The following PDE4D variants were observed in gnomAD, a reference collection of about 807,000 sequenced individuals.
The protein encoded by PDE4D is phosphodiesterase 4D.
PDE4D carries 24 observed loss-of-function variants against 87.4 expected under a neutral mutation model. The observed-to-expected ratio is 0.27, with a 90% confidence interval of 0.20 to 0.39. The LOEUF (loss-of-function observed/expected upper bound fraction) is 0.39. PDE4D is among the 10% of genes least tolerant of loss of function. The pLI is 1.00. For missense variants in PDE4D, 714 were observed against 1,041.0 expected, an observed-to-expected ratio of 0.69 and a Z score of 4.32; for synonymous variants, 384 against 383.2, an observed-to-expected ratio of 1.00 and a Z score of -0.02.
At chr5:59,361,157 T>C (rs1244464473) in intron 1 of PDE4D, among the ~76,000 whole-genome samples, 1 of 152,114 alleles carries the variant, frequency 6.6e-6, no homozygotes, top group Admixed American at 6.5e-5. Flanking sequence ...GGATAAAGCC[T>C]ACTTGGATAA....
At chr5:59,539,387 C>A (rs879944551) in intron 1 of PDE4D, among the ~76,000 whole-genome samples, 26 of 152,162 alleles carry the variant, frequency 1.7e-4, no homozygotes, top group South Asian at 6.2e-4. Flanking sequence ...CCCTACCCCC[C>A]AAAAAATTCT....
At chr5:58,997,357 T>C (rs2153349022) in intron 6 of PDE4D, among the ~76,000 whole-genome samples, 1 of 152,228 alleles carries the variant, frequency 6.6e-6, no homozygotes, top group East Asian at 1.9e-4. Flanking sequence ...TTTAAAAATG[T>C]GATACTTCTC....
rs374709949 is a variant in PDE4D, at chr5:59,571,411, G to C, written c.455+321757C>G. Among the ~76,000 whole-genome samples the C allele has an allele frequency of 5.5e-4, 83 of 152,292 alleles. No homozygotes were observed. In the South Asian group the frequency reaches 0.017, roughly 31 times the overall value. On this transcript the variant is annotated intron_variant, in intron 1 of 14. Coordinates refer to ENST00000340635, the MANE Select transcript of PDE4D (RefSeq NM_001104631.2). ...AGAAGCCAAGGATACAGAAGGGGTG[G>C]AGAAAGCACGCAACCCAAATTACCC...
chr5:60,092,381 T>C (rs1439821458), intron 2 of PDE4D, among the ~76,000 whole-genome samples: 2 of 152,068 alleles, frequency 1.3e-5, no homozygotes, highest in Non-Finnish European at 2.9e-5. Flanking sequence ...TTTGATAGTA[T>C]CATAAGGTGG....
At chr5:60,085,389 CT>C (rs2152906694) in intron 2 of PDE4D, among the ~76,000 whole-genome samples, 1 of 152,278 alleles carries the variant, frequency 6.6e-6, no homozygotes, top group South Asian at 2.1e-4. Context: ...TGCGAAGCCC[CT>C]CTCTTGTTCC....
intron 1 of PDE4D, among the ~76,000 whole-genome samples, chr5:59,765,476 C>T (rs1762672743): frequency 6.6e-6 from 1 of 152,184 alleles, no homozygotes; most frequent in Non-Finnish European, 1.5e-5. Context: ...AGCACTTTAC[C>T]TTATGCCTTG....
chr5:60,431,329 A>G (rs1170924132), intron 1 of PDE4D, among the ~76,000 whole-genome samples: 148 of 144,770 alleles, frequency 1.0e-3, no homozygotes, highest in African/African-American at 3.6e-3. Context: ...GGCGGTTGCC[A>G]GGCAGAGGGT....
At chr5:60,509,264 A>C (rs1264201707) in intron 1 of PDE4D, among the ~76,000 whole-genome samples, 10 of 152,200 alleles carry the variant, frequency 6.6e-5, no homozygotes, top group Admixed American at 6.5e-4. Flanking sequence ...AAAACACAGC[A>C]TTAAACGTAT....
chr5:59,377,062 A>G (rs1582238205), intron 1 of PDE4D, among the ~76,000 whole-genome samples: 1 of 152,124 alleles, frequency 6.6e-6, no homozygotes, highest in Non-Finnish European at 1.5e-5. Flanking sequence ...GTAAAACCCA[A>G]AGCTATAAAA....
intron 5 of PDE4D, among the ~76,000 whole-genome samples, chr5:59,097,186 A>C (rs984786174): frequency 6.6e-6 from 1 of 152,242 alleles, no homozygotes; most frequent in East Asian, 1.9e-4. Flanking sequence ...AAAACTAACC[A>C]AAGAGACAAA....
chr5:59,260,783 G>C (rs760223626), intron 1 of PDE4D, among the ~76,000 whole-genome samples: 2 of 151,706 alleles, frequency 1.3e-5, no homozygotes, highest in Non-Finnish European at 3.0e-5. Flanking sequence ...ATAAAGCTAA[G>C]AGAAGGGAGA....
chr5:59,830,680 A>G (rs1419215390), intron 1 of PDE4D, among the ~76,000 whole-genome samples: 1 of 152,108 alleles, frequency 6.6e-6, no homozygotes, highest in East Asian at 1.9e-4. Context: ...ACACTGACAG[A>G]GAGATAAAGA....
intron 1 of PDE4D, among the ~76,000 whole-genome samples, chr5:60,333,703 C>T (rs1489889832): frequency 2.6e-5 from 4 of 152,214 alleles, no homozygotes; most frequent in South Asian, 2.1e-4. Context: ...CAATTCACCA[C>T]ATGCATTATG....
intron 6 of PDE4D, among the ~76,000 whole-genome samples, chr5:59,027,279 G>C (rs544673975): frequency 1.3e-5 from 2 of 152,236 alleles, no homozygotes; most frequent in Admixed American, 1.3e-4. Context: ...TCATATCGAG[G>C]GTACATGTTA....
At chr5:59,205,440 G>T (rs1748527240) in intron 2 of PDE4D, among the ~76,000 whole-genome samples, 1 of 152,092 alleles carries the variant, frequency 6.6e-6, no homozygotes, top group South Asian at 2.1e-4. Flanking sequence ...AGTGTAGCTG[G>T]ATTTGAGCCC....
chr5:60,345,500 A>T (rs1758676740), intron 1 of PDE4D, among the ~76,000 whole-genome samples: 1 of 151,762 alleles, frequency 6.6e-6, no homozygotes, highest in Admixed American at 6.6e-5. Context: ...ATGAAAAGAA[A>T]ATTAACTATT....
Position 60,283,539 on chromosome 5 carries a change from A to T in PDE4D, c.-89-97852T>A, listed in dbSNP as rs1189303773. 2.6e-5 allele frequency among the ~76,000 whole-genome samples: 4 copies of T among 152,300 alleles called. No individual in the cohort carries two copies. The East Asian group carries it at 5.8e-4, about 22-fold the overall frequency. ...GGCATTAAATGTTTTAAAAGAAATA[A>T]AAAATGGTAACATTTTTCCCAAATA... On this transcript the variant is annotated intron_variant, in intron 1 of 16. Coordinates refer to the PDE4D transcript ENST00000502484.
At chr5:59,668,845 G>GGAGGAAGAAGAA (rs1746602460) in intron 1 of PDE4D, among the ~76,000 whole-genome samples, 2 of 62,124 alleles carry the variant, frequency 3.2e-5, no homozygotes, top group Admixed American at 3.5e-4. Context: ...AAGAGGAAGA[G>GGAGGAAGAAGAA]GAAGAAGAAG....
chr5:59,224,398 A>G (rs67656226), intron 1 of PDE4D, among the ~76,000 whole-genome samples: 17,210 of 152,046 alleles, frequency 0.11, 1,428 homozygotes, highest in African/African-American at 0.23. Context: ...AATATACAAC[A>G]TATGTTTCTG....
Sources: gnomAD v4.1 joint callset for allele counts (sites outside exome capture counted in the v4.1 genomes callset) on GRCh38, gnomAD v4.1.1 for gene constraint, MANE v1.5 for transcripts, NCBI Gene and HGNC (gene_info 2026-07-23, HGNC 2026-07-21) for gene names.